APBA1: variants seen among roughly 807,000 people sequenced by gnomAD.
The protein encoded by APBA1 is amyloid beta precursor protein binding family A member 1.
A neutral mutation model predicts 86.6 loss-of-function variants in APBA1; 55 were observed. The observed-to-expected ratio is 0.64, with a 90% confidence interval of 0.51 to 0.80. The LOEUF is 0.80. Among genes scored for constraint, APBA1 ranks in the 30% least tolerant of loss-of-function variants. The pLI, the probability that APBA1 is intolerant of heterozygous loss-of-function variation, is 0.00. For missense variants in APBA1, 1,090 were observed against 1,183.0 expected (o/e 0.92, Z 1.15); for synonymous variants, 511 against 493.9 (o/e 1.03, Z -0.46).
chr9:69,567,463 G>A (rs984370632), intron 1 of APBA1, among the ~76,000 whole-genome samples: 2 of 151,542 alleles, frequency 1.3e-5, no homozygotes, highest in African/African-American at 2.4e-5. Context: ...TAGGGTACAT[G>A]TCCACAACGT....
chr9:69,543,556 A>G (rs978484071), intron 1 of APBA1, among the ~76,000 whole-genome samples: 1 of 152,194 alleles, frequency 6.6e-6, no homozygotes, highest in African/African-American at 2.4e-5. Context: ...AGGTCATGCC[A>G]GTCAAAAGCA....
At chr9:69,556,354 G>A (rs1040822274) in intron 1 of APBA1, among the ~76,000 whole-genome samples, 1 of 152,062 alleles carries the variant, frequency 6.6e-6, no homozygotes, top group Non-Finnish European at 1.5e-5. Flanking sequence ...TGAAGTCTTG[G>A]GGACAAGTAT....
At chr9:69,498,919 C>T (rs563345369) in intron 2 of APBA1, among the ~76,000 whole-genome samples, 9 of 152,198 alleles carry the variant, frequency 5.9e-5, no homozygotes, top group African/African-American at 1.7e-4. Context: ...CGGTTGAGAA[C>T]ACATTTATAC....
rs573945628 is a variant in APBA1, at chr9:69,589,369, C to T, written c.-69-72090G>A. Among the ~76,000 whole-genome samples the T allele has an allele frequency of 4.6e-5, 7 of 152,320 alleles. No homozygotes were observed. The South Asian group carries it at 1.2e-3, about 27-fold the overall frequency. On this transcript the variant is annotated intron_variant, in intron 1 of 12. Transcript: ENST00000265381. The stretch of plus-strand genomic sequence containing the variant: ...TGGGAAAAGACCAAATGACGTGATG[C>T]TAGGCCCAGACAGAGAAGGCATCCA...
chr9:69,635,233 A>T (rs1175417239), intron 1 of APBA1, among the ~76,000 whole-genome samples: 1 of 152,198 alleles, frequency 6.6e-6, no homozygotes, highest in African/African-American at 2.4e-5. Flanking sequence ...AAGTTAAAGC[A>T]TACAGTTGTT....
rs1835368173 is a variant in APBA1, at chr9:69,471,640, T to C, written c.1336+16A>G. Reference sequence around the variant, plus strand: ...ATGAATGACTCAGTGCTCAGTATTTTCTTTTCAGCTCTTACCTTCAACGTA... The same window carrying C: ...ATGAATGACTCAGTGCTCAGTATTTCCTTTTCAGCTCTTACCTTCAACGTA... On this transcript the variant is annotated intron_variant, in intron 4 of 12. Transcript: ENST00000265381. 6.2e-7 allele frequency: 1 copy of C among 1,610,916 alleles called. No homozygotes were observed.
At chr9:69,448,841 A>G (rs772838071) in intron 10 of APBA1, among the ~76,000 whole-genome samples, 3 of 152,220 alleles carry the variant, frequency 2.0e-5, no homozygotes, top group Non-Finnish European at 2.9e-5. Context: ...GAGGAGGAAC[A>G]TCCTGGTCAC....
chr9:69,466,624 C>A (rs933793527), intron 5 of APBA1, among the ~76,000 whole-genome samples: 1 of 152,224 alleles, frequency 6.6e-6, no homozygotes, highest in Non-Finnish European at 1.5e-5. Context: ...AGCTTGAGAA[C>A]AAGGATCTCA....
At chr9:69,503,245 T>C (rs980638491) in intron 2 of APBA1, among the ~76,000 whole-genome samples, 2 of 152,104 alleles carry the variant, frequency 1.3e-5, no homozygotes, top group Non-Finnish European at 2.9e-5. Flanking sequence ...ATTTTTCAAT[T>C]AAAGCAAAGA....
intron 3 of APBA1, among the ~76,000 whole-genome samples, chr9:69,474,680 C>A (rs963777552): frequency 5.3e-5 from 8 of 152,114 alleles, no homozygotes; most frequent in African/African-American, 1.9e-4. Flanking sequence ...CCAGAGGAGA[C>A]CAAAGTATAT....
intron 1 of APBA1, among the ~76,000 whole-genome samples, chr9:69,658,222 C>CTCCTT (rs1554709905): frequency 6.7e-5 from 7 of 104,218 alleles, no homozygotes; most frequent in African/African-American, 2.2e-4. Flanking sequence ...AGTCCTTTCT[C>CTCCTT]TCTTTCTTTC....
chr9:69,545,094 C>T (rs1047119911), intron 1 of APBA1, among the ~76,000 whole-genome samples: 1 of 152,216 alleles, frequency 6.6e-6, no homozygotes, highest in African/African-American at 2.4e-5. Flanking sequence ...TAGTTTTCTA[C>T]AGAAATTTAG....
At chr9:69,436,853 C>A (rs2133788461) in intron 11 of APBA1, among the ~76,000 whole-genome samples, 1 of 151,960 alleles carries the variant, frequency 6.6e-6, no homozygotes, top group South Asian at 2.1e-4. Flanking sequence ...TGTCTTGTGC[C>A]AGTTTTCAAA....
At chr9:69,487,922 C>G (rs911862513) in intron 2 of APBA1, among the ~76,000 whole-genome samples, 2 of 152,098 alleles carry the variant, frequency 1.3e-5, no homozygotes, top group Non-Finnish European at 2.9e-5. Context: ...CTGTTGGGAC[C>G]ATCTGGCATT....
At chr9:69,531,767 G>A (rs566118601) in intron 1 of APBA1, among the ~76,000 whole-genome samples, 2 of 152,306 alleles carry the variant, frequency 1.3e-5, no homozygotes, top group Middle Eastern at 3.4e-3. Flanking sequence ...ACTTGGAGGA[G>A]GAGTTGGAAG....
Position 69,511,470 on chromosome 9 carries a change from T to C in APBA1, c.1200+4541A>G, listed in dbSNP as rs1374982941. 4.6e-5 allele frequency among the ~76,000 whole-genome samples: 7 copies of C among 152,146 alleles called. 1 individual carries two copies. The East Asian group carries it at 1.4e-3, about 29-fold the overall frequency. The stretch of plus-strand genomic sequence containing the variant: ...AGAAATAGGAACACTTTTACACTGT[T>C]GGTGGTACTGTAAACTAGTTCAACC... On this transcript the variant is annotated intron_variant, in intron 2 of 12. Coordinates refer to ENST00000265381, the MANE Select transcript of APBA1 (RefSeq NM_001163.4).
chr9:69,620,066 C>T (rs917097489), intron 1 of APBA1, among the ~76,000 whole-genome samples: 2 of 152,250 alleles, frequency 1.3e-5, no homozygotes, highest in African/African-American at 4.8e-5. Flanking sequence ...ACATCTTGGT[C>T]TCAAAGCCCT....
intron 1 of APBA1, among the ~76,000 whole-genome samples, chr9:69,579,903 T>C (rs1386023716): frequency 6.6e-6 from 1 of 152,208 alleles, no homozygotes; most frequent in Non-Finnish European, 1.5e-5. Context: ...GTGGTTTTTA[T>C]AGCTGTGCAC....
intron 11 of APBA1, among the ~76,000 whole-genome samples, chr9:69,433,808 C>CTTTTT (rs35255395): frequency 1.6e-5 from 2 of 128,454 alleles, no homozygotes; most frequent in African/African-American, 5.8e-5. Context: ...TTACCTAGGA[C>CTTTTT]TTTTTTTTTT....
Sources: allele counts gnomAD v4.1 joint callset (sites outside exome capture counted in the v4.1 genomes callset), GRCh38; gene constraint gnomAD v4.1.1; transcripts MANE v1.5; gene names NCBI Gene and HGNC (gene_info 2026-07-23, HGNC 2026-07-21).